The following NCOR1 variants were observed in gnomAD, a reference collection of about 807,000 sequenced individuals.
NCOR1 encodes nuclear receptor corepressor 1, also known as protein phosphatase 1, regulatory subunit 109.
Under a neutral mutation model 288.1 loss-of-function variants are expected in NCOR1, and 63 were observed. That is an observed-to-expected ratio of 0.22 (90% CI 0.18 to 0.27). The LOEUF (loss-of-function observed/expected upper bound fraction) is 0.27. Among genes scored for constraint, NCOR1 ranks in the 10% least tolerant of loss-of-function variants. NCOR1 has a pLI of 1.00. For synonymous variants in NCOR1, 1,007 were observed against 1,065.9 expected (o/e 0.94, Z 1.08); for missense variants, 2,397 against 3,019.2 (o/e 0.79, Z 4.83).
chr17:16,175,740 C>T (rs1043244476), intron 3 of NCOR1, among the ~76,000 whole-genome samples: 2 of 151,472 alleles, frequency 1.3e-5, no homozygotes, highest in East Asian at 3.9e-4. Context: ...AAAAATTTGT[C>T]AGGCACAATG....
intron 2 of NCOR1, among the ~76,000 whole-genome samples, chr17:16,190,754 C>G (rs1200933654): frequency 6.6e-6 from 1 of 152,224 alleles, no homozygotes; most frequent in Admixed American, 6.5e-5. Flanking sequence ...GCAGGTAACA[C>G]TGCTCAGAAT....
rs868188408 is a variant in NCOR1 at position 16,179,139 on chromosome 17, C to A, written c.243-7144G>T. Among the ~76,000 whole-genome samples the A allele has an allele frequency of 5.9e-5, 9 of 151,984 alleles. 1 individual carries two copies. The South Asian group carries it at 1.5e-3, about 25-fold the overall frequency. ...TATTATATTTCAAATCTTTGATCAA[C>A]TTAAAACCTAAACAGTGAGCACATT... is the stretch of plus-strand genomic sequence containing the variant. On this transcript the variant is annotated intron_variant, in intron 3 of 45. Coordinates refer to ENST00000268712, the MANE Select transcript of NCOR1 (RefSeq NM_006311.4).
At chr17:16,048,160 A>C (rs891665995) in intron 41 of NCOR1, among the ~76,000 whole-genome samples, 18 of 152,244 alleles carry the variant, frequency 1.2e-4, no homozygotes, top group Non-Finnish European at 7.3e-5. Context: ...CTTTCAGCGC[A>C]TCAGTGGAGG....
chr17:16,081,072 A>C (rs1022965801), intron 23 of NCOR1, among the ~76,000 whole-genome samples: 7 of 152,000 alleles, frequency 4.6e-5, no homozygotes, highest in African/African-American at 1.7e-4. Context: ...AATGCTATGG[A>C]GAGTGGTATC....
At chr17:16,137,542 C>G (rs2076600804) in intron 13 of NCOR1, 130 bp from the exon 14 acceptor site, 1 of 518,728 alleles carries the variant, frequency 1.9e-6, no homozygotes, top group South Asian at 3.7e-5. Flanking sequence ...ACATACATTG[C>G]TAGCATTTTA....
chr17:16,045,911 A>G (rs2058578310), intron 42 of NCOR1, among the ~76,000 whole-genome samples: 1 of 152,102 alleles, frequency 6.6e-6, no homozygotes. Flanking sequence ...TCCCAGGCTC[A>G]AGCAATCCTC....
chr17:16,135,181 A>C (rs1442792574), intron 14 of NCOR1, among the ~76,000 whole-genome samples: 7 of 151,642 alleles, frequency 4.6e-5, no homozygotes, highest in Admixed American at 4.6e-4. Flanking sequence ...AAAAAAAAAA[A>C]ACTGTAGCTG....
intron 18 of NCOR1, among the ~76,000 whole-genome samples, chr17:16,112,928 T>A (rs184154892): frequency 3.9e-4 from 59 of 152,334 alleles, no homozygotes; most frequent in Non-Finnish European, 6.0e-4. Flanking sequence ...TTATTTATTT[T>A]GAGATGGAAT....
chr17:16,106,085 C>T (rs1598691207), intron 19 of NCOR1, among the ~76,000 whole-genome samples: 1 of 151,914 alleles, frequency 6.6e-6, no homozygotes, highest in South Asian at 2.1e-4. Context: ...GGGCAACAAG[C>T]GCGAGACTCC....
chr17:16,189,600 T>C (rs762353982), intron 2 of NCOR1, among the ~76,000 whole-genome samples: 4 of 151,856 alleles, frequency 2.6e-5, no homozygotes, highest in Non-Finnish European at 4.4e-5. Context: ...AGTTCCAACA[T>C]CCCATATCCA....
chr17:16,032,570 G>C (rs1032195529), intron 45 of NCOR1, 87 bp from the exon 46 acceptor site: 14 of 1,299,492 alleles, frequency 1.1e-5, no homozygotes, highest in Non-Finnish European at 1.5e-5. Flanking sequence ...AGTAGAATAG[G>C]ATTATTGTAA....
Position 16,071,395 on chromosome 17 carries a change from C to T in NCOR1, c.4152+14G>A. On this transcript the variant is annotated intron_variant, in intron 30 of 45. Coordinates refer to ENST00000268712, the MANE Select transcript of NCOR1 (RefSeq NM_006311.4). ...AATATCAGTTACTGACAAAAAGAGCCAAAACTTAGTTACCTGGGAAATGGA... is the reference window on the plus strand; with the variant it reads ...AATATCAGTTACTGACAAAAAGAGCTAAAACTTAGTTACCTGGGAAATGGA... 6.2e-7 allele frequency: 1 copy of T among 1,602,172 alleles called. No individual in the cohort carries two copies. Among genetic ancestry groups the T allele is most frequent in the Non-Finnish European group, 8.5e-7 (1 of 1,174,142 alleles).
intron 8 of NCOR1, among the ~76,000 whole-genome samples, chr17:16,150,567 CAGT>C (rs1156305467): frequency 7.2e-5 from 11 of 152,088 alleles, no homozygotes; most frequent in Non-Finnish European, 1.2e-4. Flanking sequence ...GTCAGCCAGT[CAGT>C]AGTCCATCTA....
intron 37 of NCOR1, 64 bp downstream of exon 37, chr17:16,061,337 C>T (rs545693611): frequency 1.3e-6 from 2 of 1,539,696 alleles, no homozygotes; most frequent in South Asian, 1.2e-5. Context: ...TTCTACTTGA[C>T]CTAAAGAATA....
At chr17:16,199,763 T>C (rs2090506192) in intron 1 of NCOR1, among the ~76,000 whole-genome samples, 1 of 152,210 alleles carries the variant, frequency 6.6e-6, no homozygotes, top group African/African-American at 2.4e-5. Context: ...ATTCTACGAA[T>C]TGTTTAAGAA....
chr17:16,200,711 T>G (rs2090678970), intron 1 of NCOR1, among the ~76,000 whole-genome samples: 1 of 152,118 alleles, frequency 6.6e-6, no homozygotes, highest in African/African-American at 2.4e-5. Context: ...GGTAGGGCAA[T>G]GCCTTTATGA....
intron 9 of NCOR1, among the ~76,000 whole-genome samples, chr17:16,148,979 T>G (rs1233708385): frequency 1.3e-5 from 2 of 151,816 alleles, no homozygotes; most frequent in African/African-American, 2.4e-5. Context: ...CCCATGAAAA[T>G]TATATAACCA....
intron 3 of NCOR1, among the ~76,000 whole-genome samples, chr17:16,173,550 G>A (rs1424139616): frequency 1.3e-5 from 2 of 151,182 alleles, no homozygotes; most frequent in East Asian, 1.9e-4. Context: ...TAAATACATC[G>A]AAGTTGGAGG....
chr17:16,152,615 C>T (rs896972873), intron 7 of NCOR1, among the ~76,000 whole-genome samples: 6 of 152,162 alleles, frequency 3.9e-5, no homozygotes, highest in South Asian at 2.1e-4. Context: ...AACAAACATA[C>T]GTGTGCATGT....
Sources: allele counts gnomAD v4.1 joint callset (sites outside exome capture counted in the v4.1 genomes callset), GRCh38; gene constraint gnomAD v4.1.1; transcripts MANE v1.5; gene names NCBI Gene and HGNC (gene_info 2026-07-23, HGNC 2026-07-21).